Variants in NR3C2 observed in about 807,000 individuals in gnomAD.
NR3C2 encodes mineralocorticoid receptor.
NR3C2 carries 15 observed loss-of-function variants against 86.4 expected under a neutral mutation model. That is an observed-to-expected ratio of 0.17 (90% CI 0.12 to 0.27). The LOEUF is 0.27. Ranked by LOEUF, NR3C2 falls within the 10% of genes least tolerant of loss-of-function variation. NR3C2 has a pLI of 1.00. For missense variants in NR3C2, 960 were observed against 1,195.6 expected (o/e 0.80, Z 2.91); for synonymous variants, 458 against 450.5 (o/e 1.02, Z -0.21).
intron 2 of NR3C2, among the ~76,000 whole-genome samples, chr4:148,280,528 TTACA>T (rs1299525407): frequency 6.6e-6 from 1 of 152,300 alleles, no homozygotes; most frequent in African/African-American, 2.4e-5. Flanking sequence ...AGACAAGATC[TTACA>T]TTATTGCCCA....
chr4:148,250,087 G>T (rs75984142), intron 3 of NR3C2, among the ~76,000 whole-genome samples: 2,402 of 152,238 alleles, frequency 0.016, 76 homozygotes, highest in African/African-American at 0.054. Flanking sequence ...AAGTGGGGCA[G>T]ACTCTGGAAA....
intron 2 of NR3C2, among the ~76,000 whole-genome samples, chr4:148,324,999 A>G (rs1228582529): frequency 1.3e-5 from 2 of 152,226 alleles, no homozygotes; most frequent in African/African-American, 4.8e-5. Flanking sequence ...TTAGAGGCAT[A>G]TCTACAAATG....
chr4:148,272,097 T>C (rs1740713101), intron 2 of NR3C2, among the ~76,000 whole-genome samples: 1 of 152,208 alleles, frequency 6.6e-6, no homozygotes, highest in African/African-American at 2.4e-5. Context: ...TCTCTTGATA[T>C]GTATCAACTA....
intron 8 of NR3C2, among the ~76,000 whole-genome samples, chr4:148,085,999 CAAA>C (rs956861883): frequency 6.6e-6 from 1 of 151,990 alleles, no homozygotes; most frequent in South Asian, 2.1e-4. Context: ...GCCTACCAAC[CAAA>C]AAAAGTCCAG....
intron 2 of NR3C2, among the ~76,000 whole-genome samples, chr4:148,418,085 C>T (rs1326034098): frequency 1.3e-5 from 2 of 152,142 alleles, no homozygotes; most frequent in East Asian, 3.9e-4. Flanking sequence ...AACAGAAACA[C>T]AGGAAGGGTC....
intron 2 of NR3C2, among the ~76,000 whole-genome samples, chr4:148,336,447 G>C (rs1744492020): frequency 6.6e-6 from 1 of 152,144 alleles, no homozygotes; most frequent in Non-Finnish European, 1.5e-5. Context: ...AGCTAAATTG[G>C]TATGATTTAG....
intron 2 of NR3C2, among the ~76,000 whole-genome samples, chr4:148,352,632 T>C (rs1411278192): frequency 6.6e-6 from 1 of 152,190 alleles, no homozygotes; most frequent in African/African-American, 2.4e-5. Context: ...TCTCTATTTA[T>C]CTTATTCCTA....
At chr4:148,091,460 G>T (rs573757066) in intron 8 of NR3C2, among the ~76,000 whole-genome samples, 4 of 152,260 alleles carry the variant, frequency 2.6e-5, no homozygotes, top group African/African-American at 9.6e-5. Flanking sequence ...ATCCAGGCGC[G>T]TGAAGTTAGC....
At chr4:148,359,378 A>T (rs766494391) in intron 2 of NR3C2, among the ~76,000 whole-genome samples, 7 of 152,216 alleles carry the variant, frequency 4.6e-5, no homozygotes, top group African/African-American at 7.2e-5. Flanking sequence ...GATAGAAGTT[A>T]GGATTTTTAT....
chr4:148,204,355 T>C (rs1736893161), intron 3 of NR3C2, among the ~76,000 whole-genome samples: 1 of 152,152 alleles, frequency 6.6e-6, no homozygotes, highest in Non-Finnish European at 1.5e-5. Flanking sequence ...TGCAAAAACA[T>C]CTGTTATCTA....
chr4:148,290,968 T>C (rs1408376362), intron 2 of NR3C2, among the ~76,000 whole-genome samples: 33 of 152,146 alleles, frequency 2.2e-4, no homozygotes, highest in Non-Finnish European at 1.3e-4. Flanking sequence ...AATTATCTGT[T>C]ATCTATTTCC....
intron 2 of NR3C2, among the ~76,000 whole-genome samples, chr4:148,322,404 T>C (rs2149955306): frequency 8.3e-6 from 1 of 120,298 alleles, no homozygotes; most frequent in Non-Finnish European, 1.7e-5. Flanking sequence ...TCTCTGTATT[T>C]CCTGAATCTG....
intron 2 of NR3C2, among the ~76,000 whole-genome samples, chr4:148,281,809 T>C (rs898236794): frequency 6.6e-5 from 10 of 152,224 alleles, no homozygotes; most frequent in Non-Finnish European, 1.3e-4. Flanking sequence ...AAGATGCTCC[T>C]GTCCTTTGGA....
chr4:148,350,212 A>G (rs1033834858), intron 2 of NR3C2, among the ~76,000 whole-genome samples: 3 of 152,166 alleles, frequency 2.0e-5, no homozygotes, highest in African/African-American at 7.2e-5. Flanking sequence ...ACCTAATTAC[A>G]AAGTATAGAA....
intron 6 of NR3C2, among the ~76,000 whole-genome samples, chr4:148,121,862 T>C (rs1732517884): frequency 1.3e-5 from 2 of 152,250 alleles, no homozygotes; most frequent in African/African-American, 4.8e-5. Flanking sequence ...GCAATTTACT[T>C]ATCCATTCCA....
At chr4:148,160,610 A>C (rs1358458168) in intron 4 of NR3C2, among the ~76,000 whole-genome samples, 1 of 152,234 alleles carries the variant, frequency 6.6e-6, no homozygotes, top group Non-Finnish European at 1.5e-5. Context: ...TTAGAAAAAA[A>C]TAAAGTGAGA....
At chr4:148,322,017 T>C (rs965024286) in intron 2 of NR3C2, among the ~76,000 whole-genome samples, 54 of 152,294 alleles carry the variant, frequency 3.5e-4, no homozygotes, top group African/African-American at 1.2e-3. Context: ...CGGCTGGTAC[T>C]GGTTGTTCCT....
At chr4:148,234,011 C>T (rs896338774) in intron 3 of NR3C2, among the ~76,000 whole-genome samples, 1 of 152,082 alleles carries the variant, frequency 6.6e-6, no homozygotes, top group Non-Finnish European at 1.5e-5. Flanking sequence ...AACTGCAAGG[C>T]ACAATAAACA....
intron 2 of NR3C2, among the ~76,000 whole-genome samples, chr4:148,328,827 G>A (rs1744089508): frequency 6.6e-6 from 1 of 152,170 alleles, no homozygotes; most frequent in Admixed American, 6.5e-5. Flanking sequence ...CATGGTGAAG[G>A]ATAAATTCTA....
Sources: gnomAD v4.1 joint callset for allele counts (sites outside exome capture counted in the v4.1 genomes callset) on GRCh38, gnomAD v4.1.1 for gene constraint, MANE v1.5 for transcripts, NCBI Gene and HGNC (gene_info 2026-07-23, HGNC 2026-07-21) for gene names.